The following MRPS31 variants were observed in gnomAD, a reference collection of about 807,000 sequenced individuals.
MRPS31 encodes mitochondrial ribosomal protein S31.
A neutral mutation model predicts 43.1 loss-of-function variants in MRPS31; 32 were observed. That is an observed-to-expected ratio of 0.74 (90% CI 0.56 to 1.00). The LOEUF (loss-of-function observed/expected upper bound fraction) is 1.00, where lower values mean the gene tolerates loss of function less well. MRPS31 is among the 50% of genes least tolerant of loss of function. MRPS31 has a pLI of 0.00. For missense variants in MRPS31, 437 were observed against 466.7 expected (o/e 0.94, Z 0.59); for synonymous variants, 165 against 161.6 (o/e 1.02, Z -0.16).
intron 5 of MRPS31, 85 bp from the exon 6 acceptor site, chr13:40,749,366 G>T: frequency 9.4e-7 from 1 of 1,061,196 alleles, no homozygotes; most frequent in Non-Finnish European, 1.3e-6. Context: ...AATTGACCAT[G>T]TATTTTTCAG....
At position 40,756,876 on chromosome 13, in the gene MRPS31, T is replaced by G; in HGVS notation, c.737A>C (p.Lys246Thr). The change falls in exon 4 of 7, where the codon AAA becomes ACA. Residue 246 changes from lysine (K) to threonine (T), a missense_variant. Coordinates refer to ENST00000323563, the MANE Select transcript of MRPS31 (RefSeq NM_005830.4). ...AGCAGATTACAAAGCCTGATACCTTTTTTTAAGATCATCCGTCTTCTCCTG... is the reference window on the plus strand; with the variant it reads ...AGCAGATTACAAAGCCTGATACCTTGTTTTAAGATCATCCGTCTTCTCCTG... ...PGQEKTDDLK[K>T]RKNIFTGKRL... The G allele has an allele frequency of 1.2e-6, 2 of 1,612,942 alleles. No homozygotes were observed. The highest frequency in any genetic ancestry group is 1.7e-6 in the Non-Finnish European group (2 of 1,179,728).
chr13:40,746,619 A>G (rs1880246533), intron 6 of MRPS31, among the ~76,000 whole-genome samples: 1 of 152,162 alleles, frequency 6.6e-6, no homozygotes, highest in Non-Finnish European at 1.5e-5. Flanking sequence ...ATCACTCAAG[A>G]TTTTGATGCA....
intron 2 of MRPS31, 141 bp downstream of exon 2, chr13:40,766,603 TTA>T (rs2138019328): frequency 2.3e-6 from 2 of 881,082 alleles, no homozygotes; most frequent in Non-Finnish European, 3.4e-6. Context: ...CCTCGAGTAA[TTA>T]TTAGAGTCCC....
At chr13:40,730,900 C>A (rs1274527861) in intron 6 of MRPS31, 1 of 151,862 alleles carries the variant, frequency 6.6e-6, no homozygotes, top group Admixed American at 6.6e-5. Flanking sequence ...CCATCAAGAA[C>A]ACTATAAAAA....
chr13:40,763,467 T>G (rs1217075597), intron 2 of MRPS31, among the ~76,000 whole-genome samples: 3 of 152,172 alleles, frequency 2.0e-5, no homozygotes, highest in Admixed American at 1.3e-4. Flanking sequence ...ATTTAAGTCC[T>G]AAATATGGTA....
chr13:40,761,775 G>A (rs1880700731), intron 2 of MRPS31, among the ~76,000 whole-genome samples: 1 of 152,102 alleles, frequency 6.6e-6, no homozygotes, highest in Non-Finnish European at 1.5e-5. Context: ...ATTCTGATGA[G>A]GGAAAGAAAC....
Position 40,757,742 on chromosome 13 carries a change from C to CA in MRPS31, c.600-730_600-729insT, listed in dbSNP as rs1235601230. Reference sequence around the variant, plus strand: ...TACAGGCGTGAGCCAGTGCGCCTGGCTTTTTTTTTTTTTTTTTAATTACAG... The same window carrying CA: ...TACAGGCGTGAGCCAGTGCGCCTGGCATTTTTTTTTTTTTTTTTAATTACAG... On this transcript the variant is annotated intron_variant, in intron 3 of 6. Coordinates refer to ENST00000323563, the MANE Select transcript of MRPS31 (RefSeq NM_005830.4). Among the ~76,000 whole-genome samples the CA allele has an allele frequency of 3.5e-3, 459 of 129,586 alleles. 3 individuals carry two copies. Among genetic ancestry groups the CA allele is most frequent in the African/African-American group, 0.012 (431 of 35,822 alleles). 85.0% of individuals were successfully genotyped at this position (129,586 alleles called of 152,430 possible).
chr13:40,738,979 G>A (rs1379600464), intron 6 of MRPS31, among the ~76,000 whole-genome samples: 4 of 152,128 alleles, frequency 2.6e-5, no homozygotes, highest in Admixed American at 6.6e-5. Context: ...ATTCAATTAG[G>A]AAAAGAGGAA....
At chr13:40,752,196 G>A (rs1166239939) in intron 5 of MRPS31, 3 of 152,062 alleles carry the variant, frequency 2.0e-5, no homozygotes, top group Non-Finnish European at 4.4e-5. Context: ...GCTAATTTTT[G>A]TATTTTTGGT....
intron 6 of MRPS31, among the ~76,000 whole-genome samples, chr13:40,734,389 G>T (rs182780434): frequency 6.6e-6 from 1 of 152,146 alleles, no homozygotes; most frequent in African/African-American, 2.4e-5. Flanking sequence ...ATAGATGACA[G>T]CTACAGACAG....
chr13:40,758,434 T>C (rs939157866), intron 3 of MRPS31, among the ~76,000 whole-genome samples: 5 of 151,950 alleles, frequency 3.3e-5, no homozygotes, highest in African/African-American at 1.2e-4. Context: ...CTCTCCAAAA[T>C]GAGGCAGTGT....
chr13:40,737,740 G>A (rs1039510065), intron 6 of MRPS31, among the ~76,000 whole-genome samples: 25 of 152,010 alleles, frequency 1.6e-4, no homozygotes, highest in Admixed American at 5.9e-4. Flanking sequence ...TGAAACCAAC[G>A]AGAACAAAGA....
intron 6 of MRPS31, among the ~76,000 whole-genome samples, chr13:40,742,484 G>T (rs1880127986): frequency 6.6e-6 from 1 of 151,906 alleles, no homozygotes; most frequent in African/African-American, 2.4e-5. Context: ...GTACTTTAAG[G>T]CTCCTGTTCA....
At chr13:40,743,018 A>G (rs1274039416) in intron 6 of MRPS31, among the ~76,000 whole-genome samples, 1 of 152,158 alleles carries the variant, frequency 6.6e-6, no homozygotes, top group Non-Finnish European at 1.5e-5. Flanking sequence ...ACAAAGTCAA[A>G]AAGCAACTGT....
intron 6 of MRPS31, among the ~76,000 whole-genome samples, chr13:40,740,679 C>T (rs1179814943): frequency 1.6e-3 from 230 of 140,686 alleles, no homozygotes; most frequent in African/African-American, 5.6e-3. Context: ...AGTAAACTAT[C>T]GCAAGAACAA....
rs573630220 is a variant in MRPS31 at position 40,745,174 on chromosome 13, G to C, written c.958+3964C>G. On this transcript the variant is annotated intron_variant, in intron 6 of 6. Coordinates refer to ENST00000323563, the MANE Select transcript of MRPS31 (RefSeq NM_005830.4). ...TAACCTCAACTGATCCACCCACCTC[G>C]GCCTCCTAAAGTGCTGGGATTATAG... is the stretch of plus-strand genomic sequence containing the variant. Among the ~76,000 whole-genome samples, 6 of 152,032 alleles carry C rather than the reference G, an allele frequency of 3.9e-5. No homozygotes were observed. In the South Asian group the frequency reaches 1.2e-3, roughly 32 times the overall value.
chr13:40,762,182 C>T (rs768710451), intron 2 of MRPS31, among the ~76,000 whole-genome samples: 2 of 151,720 alleles, frequency 1.3e-5, no homozygotes, highest in Admixed American at 6.6e-5. Flanking sequence ...GAGGTAGAGG[C>T]GATTGTGCCA....
intron 2 of MRPS31, among the ~76,000 whole-genome samples, chr13:40,766,063 A>G (rs1239982471): frequency 6.6e-6 from 1 of 152,250 alleles, no homozygotes; most frequent in Non-Finnish European, 1.5e-5. Flanking sequence ...AATTTTAAAT[A>G]AGCAAGTCCT....
At chr13:40,741,095 C>G (rs1880077019) in intron 6 of MRPS31, among the ~76,000 whole-genome samples, 1 of 151,434 alleles carries the variant, frequency 6.6e-6, no homozygotes, top group African/African-American at 2.4e-5. Context: ...GATATATATA[C>G]TAGATGACAT....
Sources: allele counts gnomAD v4.1 joint callset (sites outside exome capture counted in the v4.1 genomes callset), GRCh38; gene constraint gnomAD v4.1.1; transcripts MANE v1.5; gene names NCBI Gene and HGNC (gene_info 2026-07-23, HGNC 2026-07-21).